Variants in XPO7 observed in about 807,000 individuals in gnomAD.
XPO7 encodes exportin-7.
Under a neutral mutation model 144.3 loss-of-function variants are expected in XPO7, and 21 were observed. That is an observed-to-expected ratio of 0.15 (90% CI 0.10 to 0.21). The LOEUF (loss-of-function observed/expected upper bound fraction) is 0.21. Among genes scored for constraint, XPO7 ranks in the 10% least tolerant of loss-of-function variants. The pLI is 1.00. For synonymous variants in XPO7, 580 were observed against 499.6 expected (o/e 1.16, Z -2.15); for missense variants, 808 against 1,325.8 (o/e 0.61, Z 6.06).
At chr8:21,959,757 C>T (rs1811660738) in intron 1 of XPO7, among the ~76,000 whole-genome samples, 1 of 152,072 alleles carries the variant, frequency 6.6e-6, no homozygotes, top group Admixed American at 6.5e-5. Context: ...TTATTGCAGT[C>T]AAAGAATCTT....
At position 21,990,368 on chromosome 8, in the gene XPO7, G is replaced by T. The variant is rs17060715; in HGVS notation, c.1893G>T (p.Val631=). 1,773 of 1,613,806 alleles carry T rather than the reference G, an allele frequency of 1.1e-3. 20 individuals carry two copies. The African/African-American group carries it at 0.021, about 19-fold the overall frequency. Residue 631 remains valine, a synonymous_variant, in exon 17 of 28, where the codon GTG becomes GTT. Transcript: ENST00000252512. ...SIGYSSVRKL[V]KLSAVQFMLN... The stretch of plus-strand genomic sequence containing the variant: ...CGTACAGTAGCGTAAGGAAGCTAGT[G>T]AAGCTTAGTGCGGTACAGTTCATGC...
intron 12 of XPO7, 71 bp downstream of exon 12, chr8:21,984,910 C>T: frequency 6.7e-7 from 1 of 1,496,138 alleles, no homozygotes; most frequent in East Asian, 2.3e-5. Flanking sequence ...CGCTCATTGC[C>T]ACCTCTTTCC....
chr8:21,999,428 AGTCTTCT>A, intron 23 of XPO7, 101 bp from the exon 24 acceptor site: 1 of 1,573,610 alleles, frequency 6.4e-7, no homozygotes, highest in East Asian at 2.2e-5. Flanking sequence ...GCTCTAACTA[AGTCTTCT>A]GTTTTCCCAC....
At chr8:21,943,738 T>G (rs1811069390) in intron 1 of XPO7, among the ~76,000 whole-genome samples, 1 of 152,208 alleles carries the variant, frequency 6.6e-6, no homozygotes, top group Non-Finnish European at 1.5e-5. Context: ...TATTAAGCAT[T>G]TATTTATTGA....
Position 21,985,683 on chromosome 8 carries a change from T to C in XPO7, c.1569T>C (p.Leu523=). The C allele has an allele frequency of 6.2e-7, 1 of 1,613,352 alleles. No homozygotes were observed. The change falls in exon 13 of 28, where the codon CTT becomes CTC. Residue 523 remains leucine (L), a synonymous_variant. Transcript: ENST00000252512. ...AGCAAGACGCCATGGATGGTGAGCT[T>C]GTCTGTCGGTAAGTGCTCCCCACAG... is the stretch of plus-strand genomic sequence containing the variant. ...TDEQDAMDGE[L]VCRVLQLMNL... is the part of the protein sequence containing the mutation.
chr8:21,946,047 A>C (rs1229347236), intron 1 of XPO7, among the ~76,000 whole-genome samples: 3 of 152,186 alleles, frequency 2.0e-5, no homozygotes, highest in Non-Finnish European at 4.4e-5. Flanking sequence ...AAACAGGAAA[A>C]TGGAGGTACT....
chr8:21,958,572 A>G (rs1376422993), intron 1 of XPO7, among the ~76,000 whole-genome samples: 1 of 151,944 alleles, frequency 6.6e-6, no homozygotes, highest in Admixed American at 6.6e-5. Context: ...CAGTGAAATT[A>G]CCGACAAAAA....
intron 5 of XPO7, 96 bp downstream of exon 5, chr8:21,972,037 G>C (rs1025823884): frequency 8.1e-7 from 1 of 1,229,286 alleles, no homozygotes; most frequent in East Asian, 2.4e-5. Context: ...TTTGGCAGTT[G>C]TGTGCTTTTG....
chr8:21,977,878 A>G lies in XPO7; in HGVS notation c.837+35A>G, dbSNP rs1812278896. The G allele has an allele frequency of 1.6e-5, 25 of 1,574,290 alleles. No homozygotes were observed. In the East Asian group the frequency reaches 5.1e-4, roughly 32 times the overall value. On this transcript the variant is annotated intron_variant, in intron 8 of 27. Coordinates refer to ENST00000252512, the MANE Select transcript of XPO7 (RefSeq NM_015024.5). ...GACTACCGTTTCTTAAAGCAAACCTATTCATAGAAGATAGCAATGGTGAAT... is the reference window on the plus strand; with the variant it reads ...GACTACCGTTTCTTAAAGCAAACCTGTTCATAGAAGATAGCAATGGTGAAT...
Position 21,981,723 on chromosome 8 carries a change from A to G in XPO7, c.958-8A>G, listed in dbSNP as rs375449229. The G allele has an allele frequency of 1.1e-5, 18 of 1,613,194 alleles. No individual in the cohort carries two copies. In the South Asian group the frequency reaches 1.6e-4, roughly 15 times the overall value. On this transcript the variant is annotated splice_polypyrimidine_tract_variant and splice_region_variant and intron_variant, in intron 9 of 27. Coordinates refer to ENST00000252512, the MANE Select transcript of XPO7 (RefSeq NM_015024.5). ...TTACATTTTATTTTTCTCCTCTGCT[A>G]CTGCCAGAGTTTATCAGACCCAAAC...
rs201011126 is a variant in XPO7, at chr8:21,976,532, T to C, written c.763+11T>C. 2 of 1,606,538 alleles carry C rather than the reference T, an allele frequency of 1.2e-6. No homozygotes were observed. The highest frequency in any genetic ancestry group is 4.5e-5 in the East Asian group (2 of 44,578). On this transcript the variant is annotated intron_variant, in intron 7 of 27. Coordinates refer to ENST00000252512, the MANE Select transcript of XPO7 (RefSeq NM_015024.5). ...CCAGCTGGAGATCAGGTAACAGAAC[T>C]TCCTCCACCTCAAAGGCTGTCTGTC...
chr8:21,930,954 C>T (rs190580206), intron 1 of XPO7, among the ~76,000 whole-genome samples: 161 of 152,266 alleles, frequency 1.1e-3, no homozygotes, highest in African/African-American at 3.7e-3. Flanking sequence ...AATTCTCCCA[C>T]CTCAGCCTCC....
intron 1 of XPO7, among the ~76,000 whole-genome samples, chr8:21,923,519 A>G (rs550571784): frequency 1.3e-5 from 2 of 152,326 alleles, no homozygotes; most frequent in South Asian, 2.1e-4. Flanking sequence ...ATATCTATAT[A>G]TTTACTTGAT....
At chr8:21,952,662 A>G (rs915890814) in intron 1 of XPO7, among the ~76,000 whole-genome samples, 2 of 152,238 alleles carry the variant, frequency 1.3e-5, no homozygotes, top group Non-Finnish European at 2.9e-5. Flanking sequence ...TACAGTATGG[A>G]TTCTAGTTTA....
intron 2 of XPO7, among the ~76,000 whole-genome samples, chr8:21,967,819 A>C (rs1260254918): frequency 6.6e-6 from 1 of 152,226 alleles, no homozygotes; most frequent in African/African-American, 2.4e-5. Context: ...TAAAAATGGC[A>C]TTGCAGTGAT....
chr8:21,936,477 C>T (rs1021001835), intron 1 of XPO7, among the ~76,000 whole-genome samples: 3 of 152,212 alleles, frequency 2.0e-5, no homozygotes, highest in African/African-American at 7.2e-5. Context: ...GATACATACT[C>T]TAAAGATAGT....
intron 1 of XPO7, among the ~76,000 whole-genome samples, chr8:21,921,204 G>C (rs530493378): frequency 7.2e-4 from 109 of 152,280 alleles, no homozygotes; most frequent in African/African-American, 2.5e-3. Flanking sequence ...TTTCTAAGAA[G>C]CATGAAATAT....
chr8:21,929,295 C>T (rs950645433), intron 1 of XPO7, among the ~76,000 whole-genome samples: 10 of 152,084 alleles, frequency 6.6e-5, no homozygotes, highest in Non-Finnish European at 1.0e-4. Flanking sequence ...TCCTGGATGT[C>T]GATAAAAATA....
intron 4 of XPO7, among the ~76,000 whole-genome samples, chr8:21,971,058 A>C (rs1812045788): frequency 6.6e-6 from 1 of 152,122 alleles, no homozygotes; most frequent in Non-Finnish European, 1.5e-5. Flanking sequence ...TTTTATGCTG[A>C]ATTTTTACTT....
Sources: gnomAD v4.1 joint callset for allele counts (sites outside exome capture counted in the v4.1 genomes callset) on GRCh38, gnomAD v4.1.1 for gene constraint, MANE v1.5 for transcripts, NCBI Gene and HGNC (gene_info 2026-07-23, HGNC 2026-07-21) for gene names.